The following MPV17L variants were observed in gnomAD, a reference collection of about 807,000 sequenced individuals.
The protein encoded by MPV17L is MPV17 mitochondrial inner membrane protein like, also known as mpv17-like protein.
In MPV17L, 24 loss-of-function variants were observed where a neutral mutation model predicts 25.8. That is an observed-to-expected ratio of 0.93 (90% CI 0.67 to 1.31). The LOEUF is 1.31. Ranked by LOEUF, MPV17L falls within the 50% of genes most tolerant of loss-of-function variation. MPV17L has a pLI of 0.00. For synonymous variants in MPV17L, 102 were observed against 115.3 expected, an observed-to-expected ratio of 0.88 and a Z score of 0.74; for missense variants, 250 against 265.6, an observed-to-expected ratio of 0.94 and a Z score of 0.41.
At position 15,407,856 on chromosome 16, in the gene MPV17L, A is replaced by G. The variant is rs761517541; in HGVS notation, c.411+3A>G. 2.2e-5 allele frequency: 36 copies of G among 1,613,534 alleles called. No individual in the cohort carries two copies. The Admixed American group carries it at 5.8e-4, about 26-fold the overall frequency. ...TGATGTACTGGCCCTTTGTACAGGT[A>G]AGTTCCACCTACTCAGTAATATGAA... On this transcript the variant is annotated splice_donor_region_variant and intron_variant, in intron 3 of 3. Transcript: ENST00000396385.
rs1216341337 is a variant in MPV17L at position 15,408,836 on chromosome 16, A to T, written c.*724A>T. Reference sequence around the variant, plus strand: ...GTCTCGCTCTGTCGCCCAGGCTGGAATGCAGTTGTGAGATCTCGGCTCACT... The same window carrying T: ...GTCTCGCTCTGTCGCCCAGGCTGGATTGCAGTTGTGAGATCTCGGCTCACT... On this transcript the variant is annotated 3_prime_UTR_variant, in exon 4 of 4. Coordinates refer to ENST00000396385, the MANE Select transcript of MPV17L (RefSeq NM_001128423.2). 6.6e-6 allele frequency: 1 copy of T among 150,612 alleles called. No homozygotes were observed. Among genetic ancestry groups the T allele is most frequent in the African/African-American group, 2.4e-5 (1 of 40,890 alleles). 9.3% of individuals were successfully genotyped at this position (150,612 alleles called of 1,614,324 possible). A position where few individuals can be genotyped will look rare whatever the true frequency, so the allele number is the denominator to read the frequency against.
At chr16:15,401,884 T>C (rs1317397973) in intron 2 of MPV17L, among the ~76,000 whole-genome samples, 1 of 152,156 alleles carries the variant, frequency 6.6e-6, no homozygotes, top group South Asian at 2.1e-4. Context: ...TTCTCAGTGA[T>C]TTCTGACTTT....
At chr16:15,401,076 ATATATATATATTTTTTTTTTTTTT>A (rs988463149) in intron 2 of MPV17L, among the ~76,000 whole-genome samples, 4 of 31,290 alleles carry the variant, frequency 1.3e-4, no homozygotes, top group Non-Finnish European at 2.4e-4. Flanking sequence ...ATATATATAT[ATATATATATATTTTTTTTTTTTTT>A]TTTTTTTTTT....
chr16:15,408,035 G>A lies in MPV17L; in HGVS notation c.514G>A (p.Asp172Asn). Residue 172 changes from aspartate (D) to asparagine (N), a missense_variant, in exon 4 of 4, where the codon GAC becomes AAC. By Grantham distance (23) the Asp-to-Asn change is conservative. Coordinates refer to ENST00000396385, the MANE Select transcript of MPV17L (RefSeq NM_001128423.2). The part of the protein sequence containing the change: ...TFICFSQQSG[D>N]GTFKSAFTIL... ...CATCTGTTTTTCCCAGCAGAGTGGT[G>A]ACGGCACATTCAAGTCAGCTTTCAC... is the stretch of plus-strand genomic sequence containing the variant. 1.2e-6 allele frequency: 2 copies of A among 1,614,014 alleles called. No individual in the cohort carries two copies. The highest frequency in any genetic ancestry group is 2.7e-5 in the African/African-American group (2 of 74,988).
rs548012835 is a variant in MPV17L at position 15,401,058 on chromosome 16, G to GTATATATATATA, written c.381+219_381+230dup. Among the ~76,000 whole-genome samples the GTATATATATATA allele has an allele frequency of 8.8e-4, 39 of 44,236 alleles. 1 individual carries two copies. Among genetic ancestry groups the GTATATATATATA allele is most frequent in the African/African-American group, 1.2e-3 (12 of 9,660 alleles). The allele number at this position is 44,236 out of a possible 152,430, so 29.0% of individuals were successfully genotyped here. A position where few individuals can be genotyped will look rare whatever the true frequency, so the allele number is the denominator to read the frequency against. ...TCAGGATTTTTTTGTATGTGTGTGT[G>GTATATATATATA]TATATATATATATATATATATATAT... is the stretch of plus-strand genomic sequence containing the variant. On this transcript the variant is annotated intron_variant, in intron 2 of 3. Coordinates refer to ENST00000396385, the MANE Select transcript of MPV17L (RefSeq NM_001128423.2).
intron 1 of MPV17L, among the ~76,000 whole-genome samples, chr16:15,398,610 C>T (rs1484451170): frequency 3.5e-5 from 4 of 114,892 alleles, no homozygotes; most frequent in East Asian, 2.6e-4. Flanking sequence ...TTTTTTGAAA[C>T]GGAGTCTTGC....
chr16:15,401,252 A>G (rs940112424), intron 2 of MPV17L, among the ~76,000 whole-genome samples: 3 of 151,234 alleles, frequency 2.0e-5, no homozygotes, highest in Admixed American at 6.6e-5. Context: ...AGCTGAGACT[A>G]CAGGCATGTG....
chr16:15,397,149 A>G lies in MPV17L; in HGVS notation c.310+942A>G, dbSNP rs138363951. On this transcript the variant is annotated intron_variant, in intron 1 of 3. Coordinates refer to ENST00000396385, the MANE Select transcript of MPV17L (RefSeq NM_001128423.2). ...CAAGTAGTGTGTCCCCCAGAGAAAGAGACAGGAGGGTTTTATAAGGTGATG... is the reference window on the plus strand; with the variant it reads ...CAAGTAGTGTGTCCCCCAGAGAAAGGGACAGGAGGGTTTTATAAGGTGATG... 5.2e-3 allele frequency among the ~76,000 whole-genome samples: 792 copies of G among 152,220 alleles called. 14 individuals are homozygous for G. The East Asian group carries it at 0.066, about 13-fold the overall frequency.
chr16:15,399,513 C>T (rs760634654), intron 1 of MPV17L: 3 of 418,572 alleles, frequency 7.2e-6, no homozygotes, highest in Non-Finnish European at 1.4e-5. Context: ...TCAAGCGATC[C>T]TCCCACCTCT....
rs573699863 is a variant in MPV17L at position 15,407,040 on chromosome 16, G to A, written c.382-784G>A. Among the ~76,000 whole-genome samples, 840 of 151,526 alleles carry A rather than the reference G, an allele frequency of 5.5e-3. 12 individuals are homozygous for A. The highest frequency in any genetic ancestry group is 7.2e-3 in the Non-Finnish European group (489 of 67,958). ...GCTTTTGCCTGGGAGTTCAAGACCAGCCTGGGCAACATAGAGATACCATGT... is the reference window on the plus strand; with the variant it reads ...GCTTTTGCCTGGGAGTTCAAGACCAACCTGGGCAACATAGAGATACCATGT... On this transcript the variant is annotated intron_variant, in intron 2 of 3. Coordinates refer to ENST00000396385, the MANE Select transcript of MPV17L (RefSeq NM_001128423.2).
Position 15,411,395 on chromosome 16 carries a change from A to C in MPV17L, c.*3283A>C, listed in dbSNP as rs1053410807. 1 of 152,218 alleles carries C rather than the reference A, an allele frequency of 6.6e-6. No individual in the cohort carries two copies. Among genetic ancestry groups the C allele is most frequent in the South Asian group, 2.1e-4 (1 of 4,828 alleles). 9.4% of individuals were successfully genotyped at this position (152,218 alleles called of 1,614,324 possible). A position where few individuals can be genotyped will look rare whatever the true frequency, so the allele number is the denominator to read the frequency against. On this transcript the variant is annotated 3_prime_UTR_variant, in exon 4 of 4. Coordinates refer to ENST00000396385, the MANE Select transcript of MPV17L (RefSeq NM_001128423.2). The stretch of plus-strand genomic sequence containing the variant: ...GCATGATCGCTTATGTCTATAATCC[A>C]AGTGCTTTGGGAGGCGAAGGCAGGT...
At position 15,407,906 on chromosome 16, in the gene MPV17L, C is replaced by T. The variant is rs771175224; in HGVS notation, c.412-27C>T. The T allele has an allele frequency of 3.1e-6, 5 of 1,613,500 alleles. No individual in the cohort carries two copies. The South Asian group carries it at 4.4e-5, about 14-fold the overall frequency. ...ACTCAGGGCTTTGGTTTCCATGTGG[C>T]CCTAACGGACTCTCTCTCTGTTCCA... On this transcript the variant is annotated intron_variant, in intron 3 of 3. Transcript: ENST00000396385.
At chr16:15,404,795 C>G (rs1386849394) in intron 2 of MPV17L, among the ~76,000 whole-genome samples, 1 of 152,130 alleles carries the variant, frequency 6.6e-6, no homozygotes, top group African/African-American at 2.4e-5. Flanking sequence ...GCACTCCAGC[C>G]TGGGTGACAG....
rs569619838 is a variant in MPV17L, at chr16:15,402,989, T to A, written c.381+2132T>A. 2.6e-5 allele frequency among the ~76,000 whole-genome samples: 4 copies of A among 152,230 alleles called. No individual in the cohort carries two copies. The East Asian group carries it at 7.7e-4, about 29-fold the overall frequency. On this transcript the variant is annotated intron_variant, in intron 2 of 3. Coordinates refer to ENST00000396385, the MANE Select transcript of MPV17L (RefSeq NM_001128423.2). The stretch of plus-strand genomic sequence containing the variant: ...AATCACCATACCCAGCCACTTCTTC[T>A]GTTTTACTTTAGAAAAAGGAACAAG...
chr16:15,399,440 C>G (rs998348883), intron 1 of MPV17L: 2 of 453,066 alleles, frequency 4.4e-6, no homozygotes, highest in East Asian at 7.0e-5. Flanking sequence ...GGGTCTCACT[C>G]TATTCCCCAG....
chr16:15,399,768 A>AT (rs989851728), intron 1 of MPV17L, among the ~76,000 whole-genome samples: 2 of 151,684 alleles, frequency 1.3e-5, no homozygotes, highest in Non-Finnish European at 2.9e-5. Context: ...TTTTATTTTT[A>AT]TTTTTTTGAG....
intron 1 of MPV17L, 34 bp from the exon 2 acceptor site, chr16:15,400,753 A>G: frequency 6.7e-7 from 1 of 1,486,894 alleles, no homozygotes; most frequent in East Asian, 2.3e-5. Context: ...ACTCTACTGA[A>G]TCTTTTAAAA....
At chr16:15,397,527 A>G (rs1362083931) in intron 1 of MPV17L, among the ~76,000 whole-genome samples, 2 of 152,134 alleles carry the variant, frequency 1.3e-5, no homozygotes, top group African/African-American at 4.8e-5. Context: ...GGCCTCTAGC[A>G]TCATTGCGAT....
rs1299041515 is a variant in MPV17L at position 15,412,642 on chromosome 16, C to G, written c.*4530C>G. ...CCAGGTTGGAGTGCAGTGTCGCGAT[C>G]TCGCCTCACTGCAACCTCTGTCTCC... On this transcript the variant is annotated 3_prime_UTR_variant, in exon 4 of 4. Transcript: ENST00000396385. The G allele has an allele frequency of 2.0e-5, 3 of 149,330 alleles. No homozygotes were observed. Among genetic ancestry groups the G allele is most frequent in the African/African-American group, 7.4e-5 (3 of 40,520 alleles). 9.3% of individuals were successfully genotyped at this position (149,330 alleles called of 1,614,324 possible).
Sources: gnomAD v4.1 joint callset for allele counts (sites outside exome capture counted in the v4.1 genomes callset) on GRCh38, gnomAD v4.1.1 for gene constraint, MANE v1.5 for transcripts, NCBI Gene and HGNC (gene_info 2026-07-23, HGNC 2026-07-21) for gene names.